AFF3: variants seen among roughly 807,000 people sequenced by gnomAD.
AFF3 encodes the protein AF4/FMR2 family member 3.
A neutral mutation model predicts 129.7 loss-of-function variants in AFF3; 32 were observed. That is an observed-to-expected ratio of 0.25 (90% CI 0.19 to 0.33). The LOEUF (loss-of-function observed/expected upper bound fraction) is 0.33, where lower values mean the gene tolerates loss of function less well. Ranked by LOEUF, AFF3 falls within the 10% of genes least tolerant of loss-of-function variation. AFF3 has a pLI of 1.00. For missense variants in AFF3, 1,373 were observed against 1,592.0 expected (o/e 0.86, Z 2.34); for synonymous variants, 644 against 635.4 (o/e 1.01, Z -0.20).
intron 8 of AFF3, among the ~76,000 whole-genome samples, chr2:99,821,719 G>T (rs1687699869): frequency 6.6e-6 from 1 of 152,172 alleles, no homozygotes; most frequent in South Asian, 2.1e-4. Flanking sequence ...AGCACAGTAG[G>T]TTTGCCGACA....
At chr2:99,880,696 G>A (rs1692644401) in intron 7 of AFF3, among the ~76,000 whole-genome samples, 1 of 152,168 alleles carries the variant, frequency 6.6e-6, no homozygotes, top group South Asian at 2.1e-4. Flanking sequence ...CACAGCCAGG[G>A]AGACAGATGG....
At chr2:100,109,190 A>C (rs1005273893) in intron 2 of AFF3, among the ~76,000 whole-genome samples, 33 of 148,400 alleles carry the variant, frequency 2.2e-4, no homozygotes, top group African/African-American at 8.2e-4. Flanking sequence ...AGATAATTTC[A>C]AAAGTGGTCA....
chr2:99,892,418 G>C (rs1693638962), intron 7 of AFF3, among the ~76,000 whole-genome samples: 1 of 152,076 alleles, frequency 6.6e-6, no homozygotes, highest in Admixed American at 6.5e-5. Flanking sequence ...CTCATAGTCA[G>C]ATAACTCCAA....
rs566733332 is a variant in AFF3 at position 100,108,657 on chromosome 2, A to G, written c.-144-3074T>C. ...ACTGGCTGGGAAAAGGAGGGAGGGT[A>G]GAAAGGGGGCCAATACCCCGGTCGA... On this transcript the variant is annotated intron_variant, in intron 2 of 24. Transcript: ENST00000672756. 7.9e-5 allele frequency among the ~76,000 whole-genome samples: 12 copies of G among 152,286 alleles called. No homozygotes were observed. In the East Asian group the frequency reaches 2.3e-3, roughly 29 times the overall value.
intron 10 of AFF3, among the ~76,000 whole-genome samples, chr2:99,740,584 T>A (rs1238124932): frequency 6.6e-6 from 1 of 151,652 alleles, no homozygotes; most frequent in African/African-American, 2.4e-5. Flanking sequence ...CATTTTTTCA[T>A]GTGTTTTTTG....
chr2:100,068,794 C>T (rs912458935), intron 4 of AFF3, among the ~76,000 whole-genome samples: 11 of 152,088 alleles, frequency 7.2e-5, no homozygotes, highest in Non-Finnish European at 1.6e-4. Flanking sequence ...ACAAGATAAA[C>T]GCTAGGACTC....
intron 8 of AFF3, among the ~76,000 whole-genome samples, chr2:99,760,797 CT>C (rs1312947579): frequency 1.3e-5 from 2 of 152,162 alleles, no homozygotes; most frequent in Non-Finnish European, 2.9e-5. Context: ...CTCCCCTGCC[CT>C]TTCTTTGCTT....
chr2:99,662,204 C>T (rs562140564), intron 12 of AFF3, among the ~76,000 whole-genome samples: 1 of 151,992 alleles, frequency 6.6e-6, no homozygotes, highest in East Asian at 1.9e-4. Flanking sequence ...ACCAACCCTT[C>T]TGCTGAACAT....
At chr2:99,900,621 G>A (rs1404108937) in intron 7 of AFF3, among the ~76,000 whole-genome samples, 1 of 152,150 alleles carries the variant, frequency 6.6e-6, no homozygotes, top group Non-Finnish European at 1.5e-5. Flanking sequence ...TACCTCCTGC[G>A]GGCTGGTGCA....
At chr2:100,101,193 G>A (rs545784897) in intron 4 of AFF3, among the ~76,000 whole-genome samples, 2 of 152,352 alleles carry the variant, frequency 1.3e-5, no homozygotes, top group Non-Finnish European at 2.9e-5. Context: ...AGAAGGCAAA[G>A]GAGGTAGTTG....
chr2:99,838,117 C>T (rs1489727827), intron 7 of AFF3, among the ~76,000 whole-genome samples: 1 of 152,200 alleles, frequency 6.6e-6, no homozygotes, highest in African/African-American at 2.4e-5. Context: ...CTGCCCTGTG[C>T]TGTGCAGATG....
At chr2:99,731,046 C>G (rs1679784165) in intron 10 of AFF3, among the ~76,000 whole-genome samples, 1 of 151,918 alleles carries the variant, frequency 6.6e-6, no homozygotes, top group South Asian at 2.1e-4. Flanking sequence ...CTCTGCCTCC[C>G]GGGTAATCTC....
At chr2:99,970,000 T>C (rs1678196765) in intron 7 of AFF3, among the ~76,000 whole-genome samples, 1 of 152,236 alleles carries the variant, frequency 6.6e-6, no homozygotes, top group Admixed American at 6.5e-5. Context: ...AGCAGTTCTC[T>C]GTGCTGCTCT....
At chr2:100,046,003 A>G (rs1345632264) in intron 4 of AFF3, among the ~76,000 whole-genome samples, 2 of 152,088 alleles carry the variant, frequency 1.3e-5, no homozygotes, top group Non-Finnish European at 2.9e-5. Flanking sequence ...GAGGGTTGGC[A>G]CCTCTAACCC....
At chr2:99,618,678 T>C (rs1238596908) in intron 13 of AFF3, among the ~76,000 whole-genome samples, 2 of 152,254 alleles carry the variant, frequency 1.3e-5, no homozygotes, top group Non-Finnish European at 2.9e-5. Context: ...ACCTGCATTA[T>C]TAACTCACAT....
intron 7 of AFF3, among the ~76,000 whole-genome samples, chr2:99,940,816 T>G (rs760674472): frequency 1.2e-4 from 18 of 152,182 alleles, no homozygotes; most frequent in Non-Finnish European, 2.1e-4. Context: ...CCGAGAACCC[T>G]CTCCTGGCAT....
Position 99,775,237 on chromosome 2 carries a change from A to G in AFF3, c.922-22936T>C, listed in dbSNP as rs561640500. Among the ~76,000 whole-genome samples, 2 of 152,342 alleles carry G rather than the reference A, an allele frequency of 1.3e-5. 1 individual carries two copies. Among genetic ancestry groups the G allele is most frequent in the African/African-American group, 4.8e-5 (2 of 41,578 alleles). ...TGACCCAGCAATCCCATTACTGGGT[A>G]TTACCCAAAGGAATAGAAATTGTTC... On this transcript the variant is annotated intron_variant, in intron 8 of 24. Transcript: ENST00000672756.
At chr2:100,076,370 C>T (rs191314062) in intron 4 of AFF3, among the ~76,000 whole-genome samples, 8 of 152,330 alleles carry the variant, frequency 5.3e-5, no homozygotes, top group Admixed American at 5.2e-4. Flanking sequence ...TTCTTCCCCA[C>T]AGAGGATGTG....
At chr2:99,601,733 A>G in intron 13 of AFF3, 112 bp from the exon 14 acceptor site, 1 of 1,278,600 alleles carries the variant, frequency 7.8e-7, no homozygotes, top group Non-Finnish European at 1.1e-6. Context: ...CACGCAGCCT[A>G]CACATCTGTC....
Sources: gnomAD v4.1 joint callset for allele counts (sites outside exome capture counted in the v4.1 genomes callset) on GRCh38, gnomAD v4.1.1 for gene constraint, MANE v1.5 for transcripts, NCBI Gene and HGNC (gene_info 2026-07-23, HGNC 2026-07-21) for gene names.